The following SANBR variants were observed in gnomAD, a reference collection of about 807,000 sequenced individuals.
SANBR encodes SANT and BTB domain regulator of CSR.
Under a neutral mutation model 101.8 loss-of-function variants are expected in SANBR, and 77 were observed. The ratio of observed to expected loss-of-function variants is 0.76; its 90% CI spans 0.63 to 0.91. SANBR has a LOEUF of 0.91. Among genes scored for constraint, SANBR ranks in the 40% least tolerant of loss-of-function variants. SANBR has a pLI of 0.00. For missense variants in SANBR, 875 were observed against 853.0 expected, an observed-to-expected ratio of 1.03 and a Z score of -0.32; for synonymous variants, 279 against 274.7, an observed-to-expected ratio of 1.02 and a Z score of -0.15.
intron 20 of SANBR, among the ~76,000 whole-genome samples, chr2:61,132,625 T>TA (rs1305352626): frequency 6.6e-6 from 1 of 152,158 alleles, no homozygotes; most frequent in Non-Finnish European, 1.5e-5. Flanking sequence ...TTCAAAAAGT[T>TA]AAACATATAG....
intron 4 of SANBR, among the ~76,000 whole-genome samples, chr2:61,072,927 A>G (rs376545438): frequency 8.9e-5 from 13 of 146,604 alleles, no homozygotes; most frequent in African/African-American, 3.3e-4. Context: ...CCTGAGCTCA[A>G]GCAATCCTCC....
intron 8 of SANBR, among the ~76,000 whole-genome samples, chr2:61,083,993 C>T (rs1682288053): frequency 6.6e-6 from 1 of 152,240 alleles, no homozygotes; most frequent in East Asian, 1.9e-4. Context: ...CGGTCTCTCT[C>T]TGTCGCCCAG....
chr2:61,137,706 G>A (rs1213819455), exon 22 of SANBR: 1 of 152,064 alleles, frequency 6.6e-6, no homozygotes, highest in Non-Finnish European at 1.5e-5. Flanking sequence ...AGCATTTGAT[G>A]TTTTGAAATA....
At chr2:61,113,601 G>A (rs1010226537) in intron 16 of SANBR, among the ~76,000 whole-genome samples, 15 of 152,042 alleles carry the variant, frequency 9.9e-5, no homozygotes, top group Non-Finnish European at 2.1e-4. Flanking sequence ...TTGTTTTTCC[G>A]GTTGCTCATT....
At chr2:61,102,031 C>T (rs555141718) in intron 12 of SANBR, among the ~76,000 whole-genome samples, 1 of 151,478 alleles carries the variant, frequency 6.6e-6, no homozygotes, top group East Asian at 1.9e-4. Context: ...GACTCCATCT[C>T]AAAAAAACCA....
At chr2:61,079,992 G>C (rs916535724) in intron 6 of SANBR, among the ~76,000 whole-genome samples, 9 of 150,630 alleles carry the variant, frequency 6.0e-5, no homozygotes, top group Non-Finnish European at 1.3e-4. Flanking sequence ...GAGGTCAGGA[G>C]GCAAGACTAG....
At chr2:61,113,087 G>T (rs56033047) in intron 16 of SANBR, among the ~76,000 whole-genome samples, 9,226 of 152,110 alleles carry the variant, frequency 0.061, 973 homozygotes, top group African/African-American at 0.21. Context: ...AGACTATTCT[G>T]TTCTAACATA....
intron 13 of SANBR, among the ~76,000 whole-genome samples, chr2:61,104,307 C>T (rs1683438619): frequency 1.3e-5 from 2 of 151,770 alleles, no homozygotes; most frequent in Non-Finnish European, 2.9e-5. Context: ...ACAGTGAAAC[C>T]CCATCTCTAC....
At chr2:61,135,116 G>C (rs1684805915) in intron 21 of SANBR, among the ~76,000 whole-genome samples, 1 of 152,296 alleles carries the variant, frequency 6.6e-6, no homozygotes, top group Middle Eastern at 3.4e-3. Flanking sequence ...CCTGAACTCG[G>C]GAAGGCGGAG....
intron 13 of SANBR, among the ~76,000 whole-genome samples, chr2:61,104,323 C>A (rs1626783): frequency 0.64 from 96,777 of 151,660 alleles, 32,905 homozygotes; most frequent in African/African-American, 0.89. Flanking sequence ...TCTACTAAAA[C>A]TACAAAAAAT....
intron 8 of SANBR, among the ~76,000 whole-genome samples, chr2:61,084,435 T>C (rs1682313361): frequency 6.6e-6 from 1 of 152,070 alleles, no homozygotes; most frequent in Non-Finnish European, 1.5e-5. Flanking sequence ...TATGAAGATA[T>C]TACTCAAGAG....
At chr2:61,129,948 T>G (rs994219648) in intron 20 of SANBR, among the ~76,000 whole-genome samples, 4 of 152,118 alleles carry the variant, frequency 2.6e-5, no homozygotes, top group Admixed American at 6.5e-5. Context: ...GTTTGTAACA[T>G]ATGTATGTAT....
chr2:61,115,885 A>G (rs1684057124), intron 16 of SANBR, 94 bp from the exon 17 acceptor site: 5 of 694,272 alleles, frequency 7.2e-6, no homozygotes, highest in South Asian at 6.6e-5. Context: ...TCTTAAAACA[A>G]TGTTTTTCTT....
At chr2:61,115,571 CA>C (rs1321889388) in intron 16 of SANBR, among the ~76,000 whole-genome samples, 1 of 151,968 alleles carries the variant, frequency 6.6e-6, no homozygotes, top group Non-Finnish European at 1.5e-5. Context: ...CAAAAACAGA[CA>C]AATCTGTAAG....
intron 13 of SANBR, among the ~76,000 whole-genome samples, chr2:61,105,997 A>T (rs991948360): frequency 1.3e-5 from 2 of 152,168 alleles, no homozygotes; most frequent in Admixed American, 6.5e-5. Flanking sequence ...AGTACCAATT[A>T]TAGCAGCCCA....
At position 61,117,401 on chromosome 2, in the gene SANBR, T is replaced by C; in HGVS notation, c.1865+16T>C. On this transcript the variant is annotated intron_variant, in intron 18 of 21. Transcript: ENST00000402291. Reference sequence around the variant, plus strand: ...CTCCTTTCGTGTGAGTATTGCTCCTTAATCCAATCGGATATCCACTCTTAA... The same window carrying C: ...CTCCTTTCGTGTGAGTATTGCTCCTCAATCCAATCGGATATCCACTCTTAA... 2 of 1,613,790 alleles carry C rather than the reference T, an allele frequency of 1.2e-6. No individual in the cohort carries two copies. Among genetic ancestry groups the C allele is most frequent in the South Asian group, 2.2e-5 (2 of 91,080 alleles).
intron 7 of SANBR, among the ~76,000 whole-genome samples, chr2:61,082,433 G>C (rs559448316): frequency 6.0e-4 from 92 of 152,278 alleles, no homozygotes; most frequent in Non-Finnish European, 8.8e-4. Flanking sequence ...GGAAGGAAGA[G>C]AGCAAACCCA....
chr2:61,095,486 T>G (rs1682987574), intron 11 of SANBR, among the ~76,000 whole-genome samples: 1 of 152,234 alleles, frequency 6.6e-6, no homozygotes, highest in African/African-American at 2.4e-5. Context: ...TAAACTATTC[T>G]TTAATGCATT....
intron 13 of SANBR, among the ~76,000 whole-genome samples, chr2:61,104,630 T>C (rs562537602): frequency 1.1e-4 from 16 of 152,282 alleles, no homozygotes; most frequent in Non-Finnish European, 1.5e-4. Context: ...CAATGCATGA[T>C]TGATACAACT....
Sources: gnomAD v4.1 joint callset for allele counts (sites outside exome capture counted in the v4.1 genomes callset) on GRCh38, gnomAD v4.1.1 for gene constraint, MANE v1.5 for transcripts, NCBI Gene and HGNC (gene_info 2026-07-23, HGNC 2026-07-21) for gene names.